Variants in NOC4L observed in about 807,000 individuals in gnomAD.
NOC4L encodes nucleolar complex protein 4 homolog.
A neutral mutation model predicts 62.8 loss-of-function variants in NOC4L; 40 were observed. The observed-to-expected ratio is 0.64, with a 90% CI of 0.49 to 0.83. The LOEUF is 0.83. Ranked by LOEUF, NOC4L falls within the 40% of genes least tolerant of loss-of-function variation. NOC4L has a pLI of 0.00. For synonymous variants in NOC4L, 433 were observed against 299.8 expected (o/e 1.44, Z -4.59); for missense variants, 927 against 701.9 (o/e 1.32, Z -3.62).
chr12:132,148,248 C>T (rs1311100166), intron 7 of NOC4L, 142 bp downstream of exon 7: 9 of 859,860 alleles, frequency 1.0e-5, no homozygotes, highest in Admixed American at 2.4e-5. Context: ...GCCACCAGGT[C>T]ACTCGAAGTG....
Position 132,152,261 on chromosome 12 carries a change from G to C in NOC4L, c.1432-21G>C. 1.9e-6 allele frequency: 3 copies of C among 1,583,190 alleles called. No homozygotes were observed. The South Asian group carries it at 3.4e-5, about 18-fold the overall frequency. On this transcript the variant is annotated intron_variant, in intron 14 of 14. Coordinates refer to ENST00000330579, the MANE Select transcript of NOC4L (RefSeq NM_024078.3). ...GGGCGCTGAGCCAAGCCTGAGAGCC[G>C]CCGTGCTTTGTGCTTTGCAGATCTT...
At position 132,148,734 on chromosome 12, in the gene NOC4L, C is replaced by A. The variant is rs1290391890; in HGVS notation, c.790-50C>A. 4.6e-6 allele frequency: 6 copies of A among 1,313,546 alleles called. No individual in the cohort carries two copies. In the South Asian group the frequency reaches 9.2e-5, roughly 20 times the overall value. The allele number at this position is 1,313,546 out of a possible 1,614,324, so 81.4% of individuals were successfully genotyped here. On this transcript the variant is annotated intron_variant, in intron 8 of 14. Transcript: ENST00000330579. ...AGGGCGGAGGCCTCACCCCGACCCG[C>A]CGGCCCCCGCCCACCCGCCCCTCAC...
chr12:132,148,763 C>A (rs557022971), intron 8 of NOC4L, 21 bp from the exon 9 acceptor site: 23 of 1,431,766 alleles, frequency 1.6e-5, no homozygotes, highest in Middle Eastern at 2.4e-4. Context: ...CCCTCACCCC[C>A]ACCTGCCGGC....
chr12:132,145,275 C>T (rs1200751094), intron 2 of NOC4L, among the ~76,000 whole-genome samples: 2 of 152,164 alleles, frequency 1.3e-5, no homozygotes, highest in Non-Finnish European at 2.9e-5. Context: ...CCTTTATGTC[C>T]CCATCCTGGG....
At chr12:132,151,093 C>T (rs747111512) in intron 10 of NOC4L, 52 bp downstream of exon 10, 71 of 1,531,384 alleles carry the variant, frequency 4.6e-5, no homozygotes, top group Admixed American at 8.5e-5. Context: ...CAGCCCTGCT[C>T]CTCTGTCCCC....
chr12:132,146,754 G>A lies in NOC4L; in HGVS notation c.346-527G>A, dbSNP rs545734082. Among the ~76,000 whole-genome samples the A allele has an allele frequency of 3.9e-5, 6 of 152,270 alleles. No homozygotes were observed. The East Asian group carries it at 1.2e-3, about 29-fold the overall frequency. ...GGGGTCTAAGTTTGTTCATGGCTGCGATTGGCTGGAGGGAGAGTCAGAGAC... is the reference window on the plus strand; with the variant it reads ...GGGGTCTAAGTTTGTTCATGGCTGCAATTGGCTGGAGGGAGAGTCAGAGAC... On this transcript the variant is annotated intron_variant, in intron 3 of 14. Coordinates refer to ENST00000330579, the MANE Select transcript of NOC4L (RefSeq NM_024078.3).
At chr12:132,148,582 G>C in intron 7 of NOC4L, 27 bp from the exon 8 acceptor site, 3 of 1,549,260 alleles carry the variant, frequency 1.9e-6, no homozygotes, top group Non-Finnish European at 2.6e-6. Context: ...GGGGAGGGCG[G>C]CGAGTGCAGT....
At position 132,147,712 on chromosome 12, in the gene NOC4L, A is replaced by G. The variant is rs2136689330; in HGVS notation, c.533A>G (p.Asp178Gly). 4 of 1,612,858 alleles carry G rather than the reference A, an allele frequency of 2.5e-6. No homozygotes were observed. The highest frequency in any genetic ancestry group is 3.4e-6 in the Non-Finnish European group (4 of 1,179,956). The change falls in exon 5 of 15, where the codon GAC (aspartate) becomes GGC (glycine). Residue 178 changes from aspartate to glycine, a missense_variant. Asp to Gly is a moderately conservative substitution (Grantham distance 94, BLOSUM62 -1). Coordinates refer to ENST00000330579, the MANE Select transcript of NOC4L (RefSeq NM_024078.3). ...LSQFREYLDY[D>G]DTRYHTMQAA... is the part of the protein sequence containing the mutation. ...CAGTTCCGGGAGTACCTGGACTACG[A>G]CGACACCCGCTACCACACCATGCAG...
chr12:132,148,593 CTG>C lies in NOC4L; in HGVS notation c.739-15_739-14del. On this transcript the variant is annotated splice_polypyrimidine_tract_variant and intron_variant, in intron 7 of 14. Coordinates refer to ENST00000330579, the MANE Select transcript of NOC4L (RefSeq NM_024078.3). ...GGGTGGGGAGGGCGGCGAGTGCAGT[CTG>C]GACCCCGTTGCAGGAGCACAGGAGG... The C allele has an allele frequency of 6.5e-7, 1 of 1,547,586 alleles. No individual in the cohort carries two copies. The highest frequency in any genetic ancestry group is 2.5e-5 in the East Asian group (1 of 40,738).
chr12:132,148,071 G>C lies in NOC4L; in HGVS notation c.704-1G>C. 1 of 1,613,522 alleles carries C rather than the reference G, an allele frequency of 6.2e-7. No individual in the cohort carries two copies. The highest frequency in any genetic ancestry group is 8.5e-7 in the Non-Finnish European group (1 of 1,179,988). On this transcript the variant is annotated splice_acceptor_variant, in intron 6 of 14. Coordinates refer to ENST00000330579, the MANE Select transcript of NOC4L (RefSeq NM_024078.3). LOFTEE classifies it high-confidence loss of function. ...GACCTTTGCCCTCGCTTTCCCTGCA[G>C]AGCTGTGGGACACCTGGAAGGTTGC...
Position 132,152,440 on chromosome 12 carries a change from C to A in NOC4L, c.*39C>A. On this transcript the variant is annotated 3_prime_UTR_variant, in exon 15 of 15. Coordinates refer to ENST00000330579, the MANE Select transcript of NOC4L (RefSeq NM_024078.3). The stretch of plus-strand genomic sequence containing the variant: ...GTGAATAAATCTCAGCTGACCCCAG[C>A]CCACCTGTGAATAAATGTTTTTGCA... The A allele has an allele frequency of 6.5e-7, 1 of 1,540,068 alleles. No homozygotes were observed. The highest frequency in any genetic ancestry group is 8.8e-7 in the Non-Finnish European group (1 of 1,138,082).
rs771780811 is a variant in NOC4L at position 132,147,625 on chromosome 12, G to A, written c.454-8G>A. 2 of 1,612,466 alleles carry A rather than the reference G, an allele frequency of 1.2e-6. No homozygotes were observed. Among genetic ancestry groups the A allele is most frequent in the Non-Finnish European group, 1.7e-6 (2 of 1,179,766 alleles). ...CGGGCAGGGCTGCTCACTGGTCCTT[G>A]CCCCTAGTTGGTGGTGGGAGGCCTG... On this transcript the variant is annotated splice_region_variant and splice_polypyrimidine_tract_variant and intron_variant, in intron 4 of 14. Transcript: ENST00000330579.
chr12:132,145,549 C>G lies in NOC4L; in HGVS notation c.239-10C>G. 1 of 1,601,902 alleles carries G rather than the reference C, an allele frequency of 6.2e-7. No homozygotes were observed. Among genetic ancestry groups the G allele is most frequent in the South Asian group, 1.1e-5 (1 of 90,466 alleles). On this transcript the variant is annotated splice_polypyrimidine_tract_variant and intron_variant, in intron 2 of 14. Transcript: ENST00000330579. ...CCTCACGTGGGCTGACCACCCTAACCTGTCTGCAGGGTCCCAGGGAGCCAC... is the reference window on the plus strand; with the variant it reads ...CCTCACGTGGGCTGACCACCCTAACGTGTCTGCAGGGTCCCAGGGAGCCAC...
rs762927952 is a variant in NOC4L at position 132,147,290 on chromosome 12, C to T, written c.355C>T (p.Leu119Phe). ...ACTGCCCCCTTCCCAGGAGCTGGCCCTCAGCGCACTCCTGAAGTTCGTGCA... is the reference window on the plus strand; with the variant it reads ...ACTGCCCCCTTCCCAGGAGCTGGCCTTCAGCGCACTCCTGAAGTTCGTGCA... The part of the protein sequence containing the change: ...HPSFQVKELA[L>F]SALLKFVQLE... The change falls in exon 4 of 15, where the codon CTC becomes TTC. Residue 119 changes from leucine to phenylalanine, a missense_variant. Coordinates refer to ENST00000330579, the MANE Select transcript of NOC4L (RefSeq NM_024078.3). 11 of 1,553,314 alleles carry T rather than the reference C, an allele frequency of 7.1e-6. No homozygotes were observed. In the South Asian group the frequency reaches 7.1e-5, roughly 10 times the overall value.
chr12:132,151,569 G>A lies in NOC4L; in HGVS notation c.1159G>A (p.Val387Ile), dbSNP rs755176641. The change falls in exon 12 of 15, where the codon GTC becomes ATC. Residue 387 changes from valine to isoleucine, a missense_variant. By Grantham distance (29) the Val-to-Ile change is conservative (BLOSUM62 3). Coordinates refer to ENST00000330579, the MANE Select transcript of NOC4L (RefSeq NM_024078.3). ...LTAPPEALLM[V>I]LPFICNLLRR... is the part of the protein sequence containing the mutation. ...GGCTCCCCCTGAGGCCCTGCTCATG[G>A]TCCTGCCTTTCATCTGTAACCTGCT... is the stretch of plus-strand genomic sequence containing the variant. The A allele has an allele frequency of 1.9e-6, 3 of 1,610,710 alleles. No individual in the cohort carries two copies. Among genetic ancestry groups the A allele is most frequent in the African/African-American group, 2.7e-5 (2 of 74,904 alleles).
intron 4 of NOC4L, 89 bp downstream of exon 4, chr12:132,147,477 T>C: frequency 6.9e-7 from 1 of 1,450,952 alleles, no homozygotes; most frequent in Non-Finnish European, 9.3e-7. Flanking sequence ...CCTGCTGAGC[T>C]GAGCCTGGCT....
rs1565962077 is a variant in NOC4L, at chr12:132,151,653, CG to C, written c.1234+13del. 6.8e-6 allele frequency: 11 copies of C among 1,611,276 alleles called. No homozygotes were observed. Among genetic ancestry groups the C allele is most frequent in the Non-Finnish European group, 9.3e-6 (11 of 1,179,202 alleles). On this transcript the variant is annotated intron_variant, in intron 12 of 14. Transcript: ENST00000330579. ...CCGTCCACACGGCCCTGGTGAGTTG[CG>C]GGGCCCTCGGAGGCTGGGCTGGAGC...
chr12:132,144,511 CG>C lies in NOC4L; in HGVS notation c.26del (p.Gly9GlufsTer70). The C allele has an allele frequency of 6.6e-7, 1 of 1,518,708 alleles. No individual in the cohort carries two copies. The highest frequency in any genetic ancestry group is 8.7e-7 in the Non-Finnish European group (1 of 1,143,550). 94.1% of individuals were successfully genotyped at this position (1,518,708 alleles called of 1,614,324 possible). A position where few individuals can be genotyped will look rare whatever the true frequency, so the allele number is the denominator to read the frequency against. On this transcript the variant is annotated frameshift_variant, in exon 1 of 15. Coordinates refer to ENST00000330579, the MANE Select transcript of NOC4L (RefSeq NM_024078.3). LOFTEE classifies it high-confidence loss of function. ...GGCATGGAGCGGGAGCCGGGCGCCGCGGGAGTTCGCCGGGCTCTGGGCCGCC... is the reference window on the plus strand; with the variant it reads ...GGCATGGAGCGGGAGCCGGGCGCCGCGGAGTTCGCCGGGCTCTGGGCCGCC... The part of the protein sequence containing the change: MEREPGA[A>X]GVRRALGRRL...
At position 132,148,831 on chromosome 12, in the gene NOC4L, C is replaced by CA; in HGVS notation, c.838dup (p.Ile280AsnfsTer46). On this transcript the variant is annotated frameshift_variant, in exon 9 of 15. Coordinates refer to ENST00000330579, the MANE Select transcript of NOC4L (RefSeq NM_024078.3). LOFTEE classifies it high-confidence loss of function. Reference sequence around the variant, plus strand: ...AGGTGCTGCTGATTGTGCATGACGCCATCCTGCCGCAGCTGGCGCAGCCCA... The same window carrying CA: ...AGGTGCTGCTGATTGTGCATGACGCCAATCCTGCCGCAGCTGGCGCAGCCCA... 6.2e-7 allele frequency: 1 copy of CA among 1,603,780 alleles called. No homozygotes were observed. Among genetic ancestry groups the CA allele is most frequent in the Admixed American group, 1.7e-5 (1 of 59,718 alleles).
Sources: allele counts gnomAD v4.1 joint callset (sites outside exome capture counted in the v4.1 genomes callset), GRCh38; gene constraint gnomAD v4.1.1; transcripts MANE v1.5; gene names NCBI Gene and HGNC (gene_info 2026-07-23, HGNC 2026-07-21).